Variants in MAF observed in about 807,000 individuals in gnomAD.
The protein encoded by MAF is MAF bZIP transcription factor, also known as transcription factor Maf.
Under a neutral mutation model 22.0 loss-of-function variants are expected in MAF, and 10 were observed. That is an observed-to-expected ratio of 0.45 (90% confidence interval 0.28 to 0.77). The LOEUF (loss-of-function observed/expected upper bound fraction) is 0.77, where lower values mean the gene tolerates loss of function less well. Among genes scored for constraint, MAF ranks in the 30% least tolerant of loss-of-function variants. The pLI is 0.12. For missense variants in MAF, 544 were observed against 548.4 expected, an observed-to-expected ratio of 0.99 and a Z score of 0.08; for synonymous variants, 337 against 255.8, an observed-to-expected ratio of 1.32 and a Z score of -3.03.
chr16:79,478,330 G>A, the MAF span, among the ~76,000 whole-genome samples: 3 of 152,158 alleles, frequency 2.0e-5, no homozygotes, highest in Admixed American at 2.0e-4. Flanking sequence ...TTATAGATGT[G>A]GTAGAGTCTA....
the MAF span, among the ~76,000 whole-genome samples, chr16:79,337,439 G>A: frequency 7.2e-5 from 11 of 152,018 alleles, no homozygotes; most frequent in African/African-American, 1.9e-4. Flanking sequence ...GTGTGGTGGC[G>A]CACCTCTAGT....
At chr16:79,418,492 G>C in the MAF span, among the ~76,000 whole-genome samples, 46 of 152,256 alleles carry the variant, frequency 3.0e-4, 1 homozygote, top group African/African-American at 9.6e-4. Context: ...GAGTTCTTCC[G>C]ATGGTAATTT....
chr16:79,360,947 C>T, the MAF span, among the ~76,000 whole-genome samples: 1 of 152,098 alleles, frequency 6.6e-6, no homozygotes, highest in Non-Finnish European at 1.5e-5. Context: ...GGAAGTCGGC[C>T]ATGGTAGGAG....
the MAF span, among the ~76,000 whole-genome samples, chr16:79,321,528 G>A: frequency 2.6e-5 from 4 of 152,048 alleles, no homozygotes; most frequent in Admixed American, 1.3e-4. Context: ...AGAAGGAGAC[G>A]GCTTAGCTGA....
the MAF span, among the ~76,000 whole-genome samples, chr16:79,383,686 G>C: frequency 6.6e-6 from 1 of 152,304 alleles, no homozygotes; most frequent in South Asian, 2.1e-4. Flanking sequence ...AGAAGTTGCT[G>C]TAGGTGTCAC....
the MAF span, chr16:79,212,071 G>A: frequency 6.5e-7 from 1 of 1,536,394 alleles, no homozygotes; most frequent in Non-Finnish European, 8.7e-7. Flanking sequence ...TGGTGTGTAG[G>A]TTCCGTATCT....
At chr16:79,491,973 A>G in the MAF span, among the ~76,000 whole-genome samples, 2 of 152,288 alleles carry the variant, frequency 1.3e-5, no homozygotes, top group East Asian at 1.9e-4. Context: ...CGGAACTGAC[A>G]ATGAGGGCCT....
the MAF span, among the ~76,000 whole-genome samples, chr16:79,494,781 C>G: frequency 6.6e-6 from 1 of 152,184 alleles, no homozygotes; most frequent in East Asian, 1.9e-4. Flanking sequence ...TCCCATGAGA[C>G]TGGTCCCATT....
the MAF span, among the ~76,000 whole-genome samples, chr16:79,440,839 G>T: frequency 1.3e-5 from 2 of 152,176 alleles, no homozygotes; most frequent in South Asian, 4.1e-4. Context: ...TTACTCACTT[G>T]GCTCTTGGTC....
chr16:79,600,076 C>G lies in MAF; in HGVS notation c.-174G>C. ...TCCGAGCGCGCTCACACACACACCC[C>G]CCCGCCCTGCCCGCGCCCCCCGCGC... On this transcript the variant is annotated 5_prime_UTR_variant, in exon 1 of 2. Transcript: ENST00000326043. 1.4e-6 allele frequency: 1 copy of G among 740,726 alleles called. No homozygotes were observed. Among genetic ancestry groups the G allele is most frequent in the East Asian group, 3.1e-5 (1 of 32,728 alleles). 45.9% of individuals were successfully genotyped at this position (740,726 alleles called of 1,614,324 possible). A position where few individuals can be genotyped will look rare whatever the true frequency, so the allele number is the denominator to read the frequency against.
the MAF span, among the ~76,000 whole-genome samples, chr16:79,341,199 T>C: frequency 1.3e-5 from 2 of 152,218 alleles, no homozygotes; most frequent in African/African-American, 2.4e-5. Flanking sequence ...TTGGATTTTA[T>C]TTTAAGCACA....
chr16:79,227,647 T>C, the MAF span, among the ~76,000 whole-genome samples: 3 of 152,048 alleles, frequency 2.0e-5, no homozygotes, highest in African/African-American at 7.2e-5. Flanking sequence ...GTTTTATTAC[T>C]ACTTGCTAAA....
chr16:79,536,838 T>G, the MAF span, among the ~76,000 whole-genome samples: 24 of 152,162 alleles, frequency 1.6e-4, no homozygotes, highest in Admixed American at 7.2e-4. Context: ...AAGATGTGTG[T>G]AAGTTATATG....
chr16:79,287,862 G>A, the MAF span, among the ~76,000 whole-genome samples: 1 of 152,066 alleles, frequency 6.6e-6, no homozygotes, highest in African/African-American at 2.4e-5. Flanking sequence ...GCTTCTCTGT[G>A]TTAGGCAGTC....
the MAF span, among the ~76,000 whole-genome samples, chr16:79,563,795 T>G: frequency 6.6e-6 from 1 of 151,950 alleles, no homozygotes; most frequent in Non-Finnish European, 1.5e-5. Flanking sequence ...TGAGATGTTC[T>G]CAGGGAGTTT....
At chr16:79,442,859 G>C in the MAF span, among the ~76,000 whole-genome samples, 3 of 152,192 alleles carry the variant, frequency 2.0e-5, no homozygotes, top group Non-Finnish European at 4.4e-5. Flanking sequence ...AACAGATCTG[G>C]GGAAATCTAG....
the MAF span, among the ~76,000 whole-genome samples, chr16:79,413,064 C>A: frequency 5.3e-5 from 8 of 152,210 alleles, no homozygotes; most frequent in South Asian, 1.7e-3. Flanking sequence ...TTGCCAGCCC[C>A]AAGAAGCCTC....
At chr16:79,309,477 T>C in the MAF span, among the ~76,000 whole-genome samples, 1 of 152,206 alleles carries the variant, frequency 6.6e-6, no homozygotes, top group Admixed American at 6.5e-5. Flanking sequence ...CATATTCAAG[T>C]TGGTTTTTAT....
chr16:79,490,038 G>A, the MAF span, among the ~76,000 whole-genome samples: 3 of 152,182 alleles, frequency 2.0e-5, no homozygotes, highest in African/African-American at 7.2e-5. Context: ...AGACAAGTTG[G>A]TTTGGAACGG....
Sources: allele counts gnomAD v4.1 joint callset (sites outside exome capture counted in the v4.1 genomes callset), GRCh38; gene constraint gnomAD v4.1.1; transcripts MANE v1.5; gene names NCBI Gene and HGNC (gene_info 2026-07-23, HGNC 2026-07-21).